TENM4: variants seen among roughly 807,000 people sequenced by gnomAD.
TENM4 encodes teneurin transmembrane protein 4.
A neutral mutation model predicts 243.3 loss-of-function variants in TENM4; 82 were observed. That is an observed-to-expected ratio of 0.34 (90% CI 0.28 to 0.40). The LOEUF (loss-of-function observed/expected upper bound fraction) is 0.40. TENM4 is among the 10% of genes least tolerant of loss of function. The pLI is 1.00. For missense variants in TENM4, 3,138 were observed against 3,673.3 expected (o/e 0.85, Z 3.77); for synonymous variants, 1,412 against 1,456.3 (o/e 0.97, Z 0.69).
At chr11:78,758,854 A>C (rs1277219973) in intron 18 of TENM4, among the ~76,000 whole-genome samples, 1 of 152,158 alleles carries the variant, frequency 6.6e-6, no homozygotes, top group Non-Finnish European at 1.5e-5. Flanking sequence ...GAAACTTACT[A>C]GTGTGTGACT....
chr11:79,202,865 A>G (rs1863772259), intron 3 of TENM4, among the ~76,000 whole-genome samples: 1 of 152,100 alleles, frequency 6.6e-6, no homozygotes, highest in Admixed American at 6.5e-5. Flanking sequence ...ATAATGACAA[A>G]CTGTCACTGT....
At chr11:78,735,680 G>T (rs1403006675) in intron 20 of TENM4, among the ~76,000 whole-genome samples, 2 of 152,166 alleles carry the variant, frequency 1.3e-5, no homozygotes, top group African/African-American at 2.4e-5. Flanking sequence ...ACTACTACTT[G>T]CTCCATGGGT....
chr11:79,261,020 G>T (rs1217318649), intron 2 of TENM4, among the ~76,000 whole-genome samples: 2 of 152,226 alleles, frequency 1.3e-5, no homozygotes, highest in African/African-American at 2.4e-5. Context: ...AAGTCAATTT[G>T]TGATAACCTG....
At chr11:78,746,004 G>A (rs971736926) in intron 19 of TENM4, among the ~76,000 whole-genome samples, 1 of 152,116 alleles carries the variant, frequency 6.6e-6, no homozygotes, top group African/African-American at 2.4e-5. Flanking sequence ...CCCAGCTGGA[G>A]TGCAGTGGCA....
At chr11:78,963,178 C>T (rs1267457553) in intron 6 of TENM4, among the ~76,000 whole-genome samples, 3 of 152,236 alleles carry the variant, frequency 2.0e-5, no homozygotes, top group Non-Finnish European at 2.9e-5. Flanking sequence ...TTAGGACACT[C>T]ACATTCTGTG....
intron 6 of TENM4, among the ~76,000 whole-genome samples, chr11:78,992,424 C>T (rs150119066): frequency 2.0e-5 from 3 of 152,272 alleles, no homozygotes; most frequent in East Asian, 3.9e-4. Context: ...CTCATTTGAC[C>T]AAGGACTCTT....
At chr11:79,286,462 G>A (rs878979208) in intron 2 of TENM4, among the ~76,000 whole-genome samples, 11 of 150,122 alleles carry the variant, frequency 7.3e-5, no homozygotes, top group Non-Finnish European at 3.0e-5. Flanking sequence ...AGACCAGCCT[G>A]GCCAACATGG....
At chr11:78,921,533 G>A (rs1168499969) in intron 6 of TENM4, among the ~76,000 whole-genome samples, 2 of 152,176 alleles carry the variant, frequency 1.3e-5, no homozygotes, top group African/African-American at 2.4e-5. Context: ...CTGACTGTTC[G>A]TATTTGCCGT....
At chr11:79,189,068 C>T (rs61882112) in intron 3 of TENM4, among the ~76,000 whole-genome samples, 26,344 of 152,126 alleles carry the variant, frequency 0.17, 3,073 homozygotes, top group Non-Finnish European at 0.25. Flanking sequence ...AACGTAAAAA[C>T]ATGGGTAGGG....
intron 15 of TENM4, among the ~76,000 whole-genome samples, chr11:78,791,465 T>C (rs764073678): frequency 6.6e-6 from 1 of 152,170 alleles, no homozygotes; most frequent in Admixed American, 6.5e-5. Context: ...CAAGTTCCCT[T>C]ATGTAAAACA....
At chr11:79,179,732 G>C (rs1003219740) in intron 3 of TENM4, among the ~76,000 whole-genome samples, 1 of 151,866 alleles carries the variant, frequency 6.6e-6, no homozygotes, top group South Asian at 2.1e-4. Flanking sequence ...AAGACCAAGC[G>C]AGTGATTCAA....
intron 1 of TENM4, among the ~76,000 whole-genome samples, chr11:79,423,929 C>T (rs1204637243): frequency 6.6e-6 from 1 of 152,176 alleles, no homozygotes; most frequent in South Asian, 2.1e-4. Context: ...CTGCCTCCCC[C>T]ACTAACCTGG....
At chr11:79,372,169 T>C (rs1179435576) in intron 1 of TENM4, among the ~76,000 whole-genome samples, 7 of 152,188 alleles carry the variant, frequency 4.6e-5, no homozygotes, top group Non-Finnish European at 1.0e-4. Context: ...GTGATATATA[T>C]TTTGAGTGGT....
intron 11 of TENM4, among the ~76,000 whole-genome samples, chr11:78,855,416 T>C (rs747813171): frequency 6.6e-6 from 1 of 152,184 alleles, no homozygotes; most frequent in Non-Finnish European, 1.5e-5. Context: ...GGTGTGCATG[T>C]GTTTGAGTCA....
chr11:78,838,210 C>A (rs373405918), intron 12 of TENM4, among the ~76,000 whole-genome samples: 1 of 152,130 alleles, frequency 6.6e-6, no homozygotes, highest in Non-Finnish European at 1.5e-5. Context: ...GCGTACTATA[C>A]ATTTTTTAAA....
At chr11:79,276,154 A>T (rs376113365) in intron 2 of TENM4, among the ~76,000 whole-genome samples, 1 of 152,222 alleles carries the variant, frequency 6.6e-6, no homozygotes, top group East Asian at 1.9e-4. Context: ...CTGCTATACT[A>T]CCTAGGAGAC....
intron 6 of TENM4, among the ~76,000 whole-genome samples, chr11:78,936,281 C>T (rs536917020): frequency 6.6e-6 from 1 of 152,306 alleles, no homozygotes; most frequent in Non-Finnish European, 1.5e-5. Context: ...CTGAGCCTCA[C>T]TTTCTTCATT....
At chr11:79,179,469 T>C (rs1270427240) in intron 3 of TENM4, among the ~76,000 whole-genome samples, 2 of 152,234 alleles carry the variant, frequency 1.3e-5, no homozygotes, top group African/African-American at 4.8e-5. Context: ...AAAAGTTTGC[T>C]AATAAACTGT....
intron 6 of TENM4, among the ~76,000 whole-genome samples, chr11:78,946,753 C>A (rs1463441880): frequency 6.6e-6 from 1 of 152,156 alleles, no homozygotes; most frequent in Non-Finnish European, 1.5e-5. Flanking sequence ...GATTCCAGCT[C>A]TCACGGGTGA....
Sources: gnomAD v4.1 joint callset for allele counts (sites outside exome capture counted in the v4.1 genomes callset) on GRCh38, gnomAD v4.1.1 for gene constraint, MANE v1.5 for transcripts, NCBI Gene and HGNC (gene_info 2026-07-23, HGNC 2026-07-21) for gene names.